Variants in CSTF2 observed in about 807,000 individuals in gnomAD.
The protein encoded by CSTF2 is CF-1 64 kDa subunit.
CSTF2 carries 8 observed loss-of-function variants against 45.4 expected under a neutral mutation model. The ratio of observed to expected loss-of-function variants is 0.18; its 90% confidence interval spans 0.10 to 0.32. The LOEUF (loss-of-function observed/expected upper bound fraction) is 0.32. CSTF2 is among the 10% of genes least tolerant of loss of function. The probability of loss-of-function intolerance (pLI) is 1.00; values close to 1 mark genes in which losing one functional copy is unlikely to be tolerated. For missense variants in CSTF2, 253 were observed against 477.1 expected, an observed-to-expected ratio of 0.53 and a Z score of 4.38; for synonymous variants, 155 against 158.9, an observed-to-expected ratio of 0.98 and a Z score of 0.18.
intron 8 of CSTF2, 33 bp downstream of exon 8, chrX:100,828,135 T>C (rs372679275): frequency 1.8e-6 from 2 of 1,117,277 alleles, no homozygotes; most frequent in African/African-American, 3.6e-5. Context: ...CTAATGTTAA[T>C]TGGTCATGGA....
chrX:100,832,509 T>C (rs537837228), intron 9 of CSTF2, among the ~76,000 whole-genome samples: 3 of 112,383 alleles, frequency 2.7e-5, no homozygotes, highest in South Asian at 7.4e-4. Flanking sequence ...CTCATACATA[T>C]AATGAATATT....
intron 9 of CSTF2, 62 bp downstream of exon 9, chrX:100,831,718 A>G: frequency 1.8e-6 from 2 of 1,137,681 alleles, no homozygotes; most frequent in Admixed American, 2.2e-5. Context: ...TTCCCTGAGA[A>G]CAAAATCTTT....
rs190773717 is a variant in CSTF2 at position 100,836,167 on chromosome X, G to A, written c.1501-1172G>A. 1.1e-4 allele frequency among the ~76,000 whole-genome samples: 12 copies of A among 111,977 alleles called. No homozygotes were observed. In the East Asian group the frequency reaches 3.4e-3, roughly 31 times the overall value. On this transcript the variant is annotated intron_variant, in intron 11 of 13. Transcript: ENST00000372972. ...TTGGGAAATGAGTTAATGCATGTAA[G>A]TGAATGTTCCAGATAATAGAACTAT...
rs761915972 is a variant in CSTF2 at position 100,822,145 on chromosome X, T to G, written c.138-106T>G. 8 of 576,593 alleles carry G rather than the reference T, an allele frequency of 1.4e-5. No homozygotes were observed. The African/African-American group carries it at 1.6e-4, about 12-fold the overall frequency. 47.5% of individuals were successfully genotyped at this position (576,593 alleles called of 1,213,427 possible). The stretch of plus-strand genomic sequence containing the variant: ...AATATTTCTGTGAGGCTGTCAGAGA[T>G]ATAAGGTTATTTATGTTACAGTGGG... On this transcript the variant is annotated intron_variant, in intron 2 of 13. Coordinates refer to ENST00000372972, the MANE Select transcript of CSTF2 (RefSeq NM_001325.3).
At chrX:100,828,883 G>A (rs1165997140) in intron 8 of CSTF2, among the ~76,000 whole-genome samples, 1 of 112,450 alleles carries the variant, frequency 8.9e-6, no homozygotes, top group Non-Finnish European at 1.9e-5. Flanking sequence ...TGGAAGCTCA[G>A]AATAAGTTAC....
At chrX:100,830,826 C>A (rs1304666331) in intron 8 of CSTF2, 1 of 1,154,337 alleles carries the variant, frequency 8.7e-7, no homozygotes. Flanking sequence ...CAGCACTCGC[C>A]CGTGGGACCC....
In CSTF2 at chrX:100,829,216, G is replaced by T. The variant is rs193151814; in HGVS notation, c.889+1114G>T. On this transcript the variant is annotated intron_variant, in intron 8 of 13. Transcript: ENST00000372972. Reference sequence around the variant, plus strand: ...TTAAAAAGCAAAATATTGGCCAGGCGCAGTGGCTCATGCCTGTAATCCCAG... The same window carrying T: ...TTAAAAAGCAAAATATTGGCCAGGCTCAGTGGCTCATGCCTGTAATCCCAG... Among the ~76,000 whole-genome samples, 8 of 111,965 alleles carry T rather than the reference G, an allele frequency of 7.1e-5. No individual in the cohort carries two copies. In the East Asian group the frequency reaches 2.2e-3, roughly 31 times the overall value.
chrX:100,822,978 A>G (rs1027322163), intron 3 of CSTF2, among the ~76,000 whole-genome samples: 2 of 111,769 alleles, frequency 1.8e-5, no homozygotes, highest in African/African-American at 3.3e-5. Flanking sequence ...GAATTTTTGA[A>G]GTTAGCGTAT....
intron 9 of CSTF2, among the ~76,000 whole-genome samples, chrX:100,832,285 ACT>A (rs1003357117): frequency 8.9e-6 from 1 of 111,902 alleles, no homozygotes; most frequent in African/African-American, 3.2e-5. Flanking sequence ...CATGCCTCTG[ACT>A]CTGCTCTGAG....
chrX:100,824,039 G>A (rs988683998), intron 5 of CSTF2, 34 bp downstream of exon 5: 49 of 1,208,087 alleles, frequency 4.1e-5, no homozygotes, highest in Middle Eastern at 2.3e-4. Context: ...GGAAATGGTC[G>A]GGTAAACCTT....
intron 11 of CSTF2, among the ~76,000 whole-genome samples, chrX:100,835,043 A>C (rs1477133623): frequency 9.0e-6 from 1 of 111,233 alleles, no homozygotes; most frequent in African/African-American, 3.3e-5. Context: ...CCTTTAAAAA[A>C]ATTTTAAATT....
At chrX:100,840,163 G>C (rs1388144340) in intron 13 of CSTF2, among the ~76,000 whole-genome samples, 1 of 111,540 alleles carries the variant, frequency 9.0e-6, no homozygotes, top group Admixed American at 9.5e-5. Context: ...TTTTATGTGG[G>C]CAAGATTTTA....
chrX:100,822,911 C>A (rs905534814), intron 3 of CSTF2, among the ~76,000 whole-genome samples: 4 of 108,597 alleles, frequency 3.7e-5, no homozygotes, highest in African/African-American at 1.3e-4. Context: ...AATTCAAATT[C>A]ATCAAGCCAT....
intron 13 of CSTF2, among the ~76,000 whole-genome samples, chrX:100,839,097 A>C (rs1039963204): frequency 9.1e-6 from 1 of 109,623 alleles, no homozygotes; most frequent in African/African-American, 3.3e-5. Flanking sequence ...ATTTTTTAAA[A>C]AATTAGCCAG....
At position 100,823,201 on chromosome X, in the gene CSTF2, G is replaced by A. The variant is rs948269766; in HGVS notation, c.308-91G>A. 3.9e-5 allele frequency: 39 copies of A among 1,011,744 alleles called. No homozygotes were observed. The African/African-American group carries it at 7.2e-4, about 19-fold the overall frequency. The allele number at this position is 1,011,744 out of a possible 1,213,427, so 83.4% of individuals were successfully genotyped here. On this transcript the variant is annotated intron_variant, in intron 3 of 13. Transcript: ENST00000372972. ...CTGGAGAATCTAAAATTATCAGCTG[G>A]TTCTTACAGCAGCCCTGAAAAGTAG...
chrX:100,821,059 A>AT (rs2084915634), intron 1 of CSTF2, among the ~76,000 whole-genome samples: 1 of 112,722 alleles, frequency 8.9e-6, no homozygotes, highest in African/African-American at 3.2e-5. Context: ...AATACGTGTG[A>AT]TTATTTTAGA....
intron 13 of CSTF2, among the ~76,000 whole-genome samples, chrX:100,839,204 A>G (rs1325270419): frequency 2.8e-5 from 3 of 105,277 alleles, no homozygotes; most frequent in African/African-American, 1.0e-4. Flanking sequence ...AGCCATGATT[A>G]TGCCACTGCA....
chrX:100,833,194 C>G lies in CSTF2; in HGVS notation c.1222C>G (p.Arg408Gly). The G allele has an allele frequency of 8.3e-7, 1 of 1,209,482 alleles. No homozygotes were observed. The highest frequency in any genetic ancestry group is 1.1e-6 in the Non-Finnish European group (1 of 894,180). The change falls in exon 11 of 14, where the codon CGA (arginine) becomes GGA (glycine). Residue 408 changes from arginine to glycine, a missense_variant. By Grantham distance (125) the Arg-to-Gly change is moderately radical. This residue lies in a region of CSTF2 where 200 missense variants were observed against 294.0 expected (regional missense o/e 0.68). Transcript: ENST00000372972. ...PLDGRGGRDP[R>G]GIDARGMEAR... ...TTTCTTTATAGGTGGAAGGGATCCC[C>G]GAGGAATAGATGCACGAGGGATGGA... is the stretch of plus-strand genomic sequence containing the variant.
intron 11 of CSTF2, among the ~76,000 whole-genome samples, chrX:100,834,364 A>T (rs900639608): frequency 8.9e-6 from 1 of 111,880 alleles, no homozygotes; most frequent in African/African-American, 3.3e-5. Context: ...AGATTTGGAA[A>T]TTAAGGCCCA....
Sources: allele counts gnomAD v4.1 joint callset (sites outside exome capture counted in the v4.1 genomes callset), GRCh38; gene constraint gnomAD v4.1.1; regional missense constraint gnomAD v4.1.1; transcripts MANE v1.5; gene names NCBI Gene and HGNC (gene_info 2026-07-23, HGNC 2026-07-21).